The following TLK2 variants were observed in gnomAD, a reference collection of about 807,000 sequenced individuals.
TLK2 encodes the protein serine/threonine-protein kinase tousled-like 2.
A neutral mutation model predicts 117.3 loss-of-function variants in TLK2; 6 were observed. The observed-to-expected ratio is 0.05, with a 90% CI of 0.03 to 0.10. TLK2 has a LOEUF of 0.10. Ranked by LOEUF, TLK2 falls within the 10% of genes least tolerant of loss-of-function variation. The pLI is 1.00. For synonymous variants in TLK2, 257 were observed against 316.7 expected (o/e 0.81, Z 2.00); for missense variants, 299 against 901.2 (o/e 0.33, Z 8.56).
upstream of TLK2, among the ~76,000 whole-genome samples, chr17:62,478,543 C>T (rs2071187994): frequency 6.7e-6 from 1 of 150,050 alleles, no homozygotes; most frequent in South Asian, 2.1e-4. Context: ...GCGTTGCGGC[C>T]CGTCAGCCGG....
chr17:62,506,962 G>A (rs564855275), intron 2 of TLK2, among the ~76,000 whole-genome samples: 2 of 152,186 alleles, frequency 1.3e-5, no homozygotes, highest in Admixed American at 6.5e-5. Context: ...TTATAATAAT[G>A]AGAACTGTAA....
At chr17:62,580,000 C>T in intron 14 of TLK2, 111 bp from the exon 15 acceptor site, 1 of 736,764 alleles carries the variant, frequency 1.4e-6, no homozygotes, top group Non-Finnish European at 2.2e-6. Context: ...GTCAAACTAC[C>T]AACAGCAGCT....
intron 2 of TLK2, among the ~76,000 whole-genome samples, chr17:62,510,207 G>A (rs1282026388): frequency 6.6e-6 from 1 of 152,182 alleles, no homozygotes; most frequent in Admixed American, 6.5e-5. Context: ...CAGAGGTCAA[G>A]ACTGCAGTGA....
At chr17:62,597,797 C>G (rs952783180) in intron 17 of TLK2, among the ~76,000 whole-genome samples, 4 of 152,138 alleles carry the variant, frequency 2.6e-5, no homozygotes, top group African/African-American at 9.7e-5. Flanking sequence ...TATTTTGTTA[C>G]TTGGTATAGG....
chr17:62,580,690 C>T (rs2081150217), intron 15 of TLK2, among the ~76,000 whole-genome samples: 1 of 152,154 alleles, frequency 6.6e-6, no homozygotes, highest in African/African-American at 2.4e-5. Context: ...TAGCGAAGTA[C>T]AGGCTGCTGA....
chr17:62,565,392 C>G (rs111673087), intron 11 of TLK2, among the ~76,000 whole-genome samples: 2 of 152,052 alleles, frequency 1.3e-5, no homozygotes, highest in Non-Finnish European at 2.9e-5. Flanking sequence ...CGGTGGCTCA[C>G]GCCTGTAATC....
Position 62,494,295 on chromosome 17 carries a change from C to T in TLK2, c.81+13089C>T, listed in dbSNP as rs201722555. Among the ~76,000 whole-genome samples the T allele has an allele frequency of 2.0e-5, 3 of 152,304 alleles. No homozygotes were observed. The South Asian group carries it at 6.2e-4, about 32-fold the overall frequency. On this transcript the variant is annotated intron_variant, in intron 2 of 21. Transcript: ENST00000346027. ...ATGGGGTTTCACCATGCTGGCCAGA[C>T]TGGTCTTGAACTCTTGACCTCAAGT...
At chr17:62,493,043 G>A (rs1416806183) in intron 2 of TLK2, among the ~76,000 whole-genome samples, 1 of 152,052 alleles carries the variant, frequency 6.6e-6, no homozygotes. Flanking sequence ...GTTGCAGTGA[G>A]CCGAGATCAT....
At chr17:62,556,096 A>G (rs182778323) in intron 9 of TLK2, among the ~76,000 whole-genome samples, 7 of 152,134 alleles carry the variant, frequency 4.6e-5, no homozygotes, top group South Asian at 2.1e-4. Flanking sequence ...TGTATTTTTA[A>G]TAGAGATGGG....
At chr17:62,484,179 G>A (rs775418895) in intron 2 of TLK2, among the ~76,000 whole-genome samples, 25 of 151,876 alleles carry the variant, frequency 1.6e-4, no homozygotes, top group Non-Finnish European at 3.5e-4. Flanking sequence ...TGATTACAAT[G>A]AATTTGTTAT....
intron 6 of TLK2, among the ~76,000 whole-genome samples, chr17:62,524,600 C>T (rs534987362): frequency 2.6e-5 from 4 of 152,130 alleles, no homozygotes; most frequent in African/African-American, 7.2e-5. Context: ...TGATTCCAAT[C>T]GAAACATTAG....
At chr17:62,567,632 C>G (rs1295058259) in intron 11 of TLK2, among the ~76,000 whole-genome samples, 3 of 152,048 alleles carry the variant, frequency 2.0e-5, no homozygotes, top group Non-Finnish European at 4.4e-5. Context: ...ATCTAATAGC[C>G]TCAGAGGTCA....
At chr17:62,584,107 G>GTTTTTTTTTTTTTTTTTTT (rs572000997) in intron 15 of TLK2, among the ~76,000 whole-genome samples, 1 of 78,522 alleles carries the variant, frequency 1.3e-5, no homozygotes, top group Non-Finnish European at 2.3e-5. Flanking sequence ...TTCTTTTGTG[G>GTTTTTTTTTTTTTTTTTTT]TTTTTTTTTT....
intron 1 of TLK2, among the ~76,000 whole-genome samples, chr17:62,480,667 CT>C (rs1328244802): frequency 6.6e-6 from 1 of 152,106 alleles, no homozygotes; most frequent in Non-Finnish European, 1.5e-5. Flanking sequence ...ATCCTATATT[CT>C]TTTGAAATTA....
At chr17:62,588,000 ACG>A (rs1341489130) in intron 16 of TLK2, among the ~76,000 whole-genome samples, 1 of 146,742 alleles carries the variant, frequency 6.8e-6, no homozygotes, top group African/African-American at 2.5e-5. Context: ...TATAAAATAT[ACG>A]TATACATCTG....
intron 5 of TLK2, among the ~76,000 whole-genome samples, chr17:62,523,874 C>T (rs1286917388): frequency 2.6e-5 from 4 of 152,158 alleles, no homozygotes; most frequent in Non-Finnish European, 5.9e-5. Context: ...AGTTCCCTGA[C>T]CCATCGTTAG....
intron 2 of TLK2, among the ~76,000 whole-genome samples, chr17:62,501,052 C>T (rs1039089703): frequency 2.0e-5 from 3 of 151,898 alleles, no homozygotes; most frequent in Non-Finnish European, 4.4e-5. Context: ...TCCTGGCTAA[C>T]GCGGTGAAAC....
intron 17 of TLK2, among the ~76,000 whole-genome samples, chr17:62,599,094 C>T (rs552490357): frequency 1.3e-5 from 2 of 152,048 alleles, no homozygotes; most frequent in African/African-American, 4.8e-5. Flanking sequence ...TACAGGCATG[C>T]GCCACCATAC....
chr17:62,492,146 A>G (rs2073170147), intron 2 of TLK2, among the ~76,000 whole-genome samples: 1 of 152,210 alleles, frequency 6.6e-6, no homozygotes, highest in Admixed American at 6.5e-5. Flanking sequence ...GTGTGAAAGA[A>G]TGAGTGGTGG....
Sources: gnomAD v4.1 joint callset for allele counts (sites outside exome capture counted in the v4.1 genomes callset) on GRCh38, gnomAD v4.1.1 for gene constraint, MANE v1.5 for transcripts, NCBI Gene and HGNC (gene_info 2026-07-23, HGNC 2026-07-21) for gene names.